Variants in TAB2 observed in about 807,000 individuals in gnomAD.
TAB2 encodes the protein TGF-beta activated kinase 1 (MAP3K7) binding protein 2, also known as TGF-beta-activated kinase 1 and MAP3K7-binding protein 2.
TAB2 carries 3 observed loss-of-function variants against 65.0 expected under a neutral mutation model. That is an observed-to-expected ratio of 0.05 (90% confidence interval 0.02 to 0.12). The LOEUF (loss-of-function observed/expected upper bound fraction) is 0.12, where lower values mean the gene tolerates loss of function less well. Ranked by LOEUF, TAB2 falls within the 10% of genes least tolerant of loss-of-function variation. The probability of loss-of-function intolerance (pLI) is 1.00; values close to 1 mark genes in which losing one functional copy is unlikely to be tolerated. For missense variants in TAB2, 623 were observed against 840.3 expected, an observed-to-expected ratio of 0.74 and a Z score of 3.20; for synonymous variants, 298 against 285.1, an observed-to-expected ratio of 1.05 and a Z score of -0.46.
chr6:149,267,779 C>T (rs1362972296), intron 1 of TAB2, among the ~76,000 whole-genome samples: 2 of 152,110 alleles, frequency 1.3e-5, no homozygotes, highest in Admixed American at 1.3e-4. Context: ...GCCCGTACAG[C>T]ATATTACTGT....
intron 3 of TAB2, among the ~76,000 whole-genome samples, chr6:149,382,498 A>G (rs2114899482): frequency 6.6e-6 from 1 of 152,220 alleles, no homozygotes; most frequent in African/African-American, 2.4e-5. Flanking sequence ...CGAGAGGCTG[A>G]GGCAGGAGAA....
intron 1 of TAB2, chr6:149,253,206 G>A (rs1015053990): frequency 6.6e-6 from 1 of 152,208 alleles, no homozygotes; most frequent in East Asian, 1.9e-4. Flanking sequence ...TAGGCCCATT[G>A]GGGCCAATGA....
intron 1 of TAB2, among the ~76,000 whole-genome samples, chr6:149,267,904 C>T (rs1324438375): frequency 3.3e-5 from 5 of 152,110 alleles, no homozygotes; most frequent in African/African-American, 4.8e-5. Flanking sequence ...GGACCACTGT[C>T]GTATACGCAG....
intron 4 of TAB2, 99 bp from the exon 5 acceptor site, chr6:149,397,868 CTT>C (rs1197482023): frequency 1.9e-6 from 3 of 1,577,578 alleles, no homozygotes; most frequent in African/African-American, 2.7e-5. Flanking sequence ...GTTCTTAACT[CTT>C]GTTTTTCTGT....
At chr6:149,328,011 T>C (rs1779668545) in intron 1 of TAB2, among the ~76,000 whole-genome samples, 1 of 152,208 alleles carries the variant, frequency 6.6e-6, no homozygotes, top group Non-Finnish European at 1.5e-5. Context: ...ATTTTGCAAG[T>C]GGAACAAGAA....
chr6:149,398,881 C>T (rs2114945861), intron 5 of TAB2, among the ~76,000 whole-genome samples: 1 of 152,202 alleles, frequency 6.6e-6, no homozygotes, highest in South Asian at 2.1e-4. Flanking sequence ...TGACTTCTTT[C>T]ACAGTTTACC....
In TAB2 at chr6:149,390,545, G is replaced by A. The variant is rs1359016832; in HGVS notation, c.1604-7059G>A. On this transcript the variant is annotated intron_variant, in intron 3 of 6. Transcript: ENST00000637181. ...ACTAACACCATCTGGAACTTCAAGA[G>A]TGTTTTTTAAATTTCAAATAAAATT... Among the ~76,000 whole-genome samples the A allele has an allele frequency of 2.0e-5, 3 of 152,128 alleles. No individual in the cohort carries two copies. The East Asian group carries it at 5.8e-4, about 29-fold the overall frequency.
chr6:149,338,210 G>T (rs181084226), intron 1 of TAB2, among the ~76,000 whole-genome samples: 1 of 152,146 alleles, frequency 6.6e-6, no homozygotes, highest in African/African-American at 2.4e-5. Context: ...CACAGTAAGT[G>T]GGCTAAATCA....
At chr6:149,233,693 A>G (rs962702659) in intron 1 of TAB2, among the ~76,000 whole-genome samples, 7 of 152,308 alleles carry the variant, frequency 4.6e-5, no homozygotes, top group Admixed American at 3.9e-4. Context: ...TTCACAATAT[A>G]CTTGTTTATT....
chr6:149,337,410 C>A (rs1025417015), intron 1 of TAB2, among the ~76,000 whole-genome samples: 1 of 152,106 alleles, frequency 6.6e-6, no homozygotes, highest in East Asian at 1.9e-4. Context: ...ATTCATGACC[C>A]CCGATCTAGT....
At chr6:149,306,482 CA>C (rs1404720813) in intron 1 of TAB2, among the ~76,000 whole-genome samples, 2 of 150,268 alleles carry the variant, frequency 1.3e-5, no homozygotes, top group Non-Finnish European at 3.0e-5. Flanking sequence ...TCTAGTGAAC[CA>C]GGAGGCGGAG....
chr6:149,306,847 T>C (rs1023723217), intron 1 of TAB2, among the ~76,000 whole-genome samples: 2 of 152,246 alleles, frequency 1.3e-5, no homozygotes, highest in African/African-American at 2.4e-5. Flanking sequence ...GGAAACTGCA[T>C]GTACAGAGAT....
At chr6:149,306,730 C>T (rs1397885368) in intron 1 of TAB2, among the ~76,000 whole-genome samples, 1 of 152,062 alleles carries the variant, frequency 6.6e-6, no homozygotes, top group Admixed American at 6.5e-5. Context: ...CCAGCCTGGG[C>T]GACAGAATAA....
At chr6:149,281,254 G>A (rs1778567130) in intron 1 of TAB2, among the ~76,000 whole-genome samples, 1 of 152,044 alleles carries the variant, frequency 6.6e-6, no homozygotes, top group Non-Finnish European at 1.5e-5. Flanking sequence ...AAGTAGAAAT[G>A]GAAGTACATT....
chr6:149,251,925 C>T (rs1368571487), intron 1 of TAB2, among the ~76,000 whole-genome samples: 3 of 152,146 alleles, frequency 2.0e-5, no homozygotes, highest in African/African-American at 7.2e-5. Context: ...AATTAATGTA[C>T]AAGAACCATT....
chr6:149,309,394 A>G (rs570887881), intron 1 of TAB2, among the ~76,000 whole-genome samples: 5 of 148,930 alleles, frequency 3.4e-5, no homozygotes, highest in Non-Finnish European at 5.9e-5. Flanking sequence ...CCCAACACCA[A>G]TAATTCCTCT....
chr6:149,380,647 G>C (rs756064782), intron 3 of TAB2, among the ~76,000 whole-genome samples: 12 of 152,170 alleles, frequency 7.9e-5, no homozygotes, highest in Non-Finnish European at 1.2e-4. Flanking sequence ...ATGCCAGTTT[G>C]TAGATGAACT....
At chr6:149,381,812 A>T (rs115425497) in intron 3 of TAB2, among the ~76,000 whole-genome samples, 2,387 of 151,890 alleles carry the variant, frequency 0.016, 51 homozygotes, top group South Asian at 0.096. Context: ...GGCTCAAGAG[A>T]TCTGCCTGTC....
chr6:149,286,228 TC>T (rs1289057847), intron 1 of TAB2, among the ~76,000 whole-genome samples: 1 of 152,252 alleles, frequency 6.6e-6, no homozygotes, highest in Non-Finnish European at 1.5e-5. Flanking sequence ...CCAGTTGGTA[TC>T]AATGGACTTC....
Sources: gnomAD v4.1 joint callset for allele counts (sites outside exome capture counted in the v4.1 genomes callset) on GRCh38, gnomAD v4.1.1 for gene constraint, MANE v1.5 for transcripts, NCBI Gene and HGNC (gene_info 2026-07-23, HGNC 2026-07-21) for gene names.